The following EML3 variants were observed in gnomAD, a reference collection of about 807,000 sequenced individuals.
EML3 encodes EMAP like 3.
Under a neutral mutation model 106.7 loss-of-function variants are expected in EML3, and 53 were observed. The observed-to-expected ratio is 0.50, with a 90% CI of 0.40 to 0.62. EML3 has a LOEUF of 0.62. Ranked by LOEUF, EML3 falls within the 20% of genes least tolerant of loss-of-function variation. The pLI is 0.00. For synonymous variants in EML3, 499 were observed against 489.6 expected (o/e 1.02, Z -0.25); for missense variants, 994 against 1,209.1 (o/e 0.82, Z 2.64).
Position 62,602,223 on chromosome 11 carries a change from T to A in EML3, c.*252A>T. The A allele has an allele frequency of 1.3e-6, 2 of 1,520,008 alleles. No individual in the cohort carries two copies. Among genetic ancestry groups the A allele is most frequent in the Non-Finnish European group, 1.8e-6 (2 of 1,130,852 alleles). The allele number at this position is 1,520,008 out of a possible 1,614,324, so 94.2% of individuals were successfully genotyped here. A position where few individuals can be genotyped will look rare whatever the true frequency, so the allele number is the denominator to read the frequency against. On this transcript the variant is annotated 3_prime_UTR_variant, in exon 22 of 22. Coordinates refer to ENST00000394773, the MANE Select transcript of EML3 (RefSeq NM_153265.3). Reference sequence around the variant, plus strand: ...CCCCACAAAAGCACCGGGAGGCGACTTTGGTTCTGGTTTATTGCCCCTCAG... The same window carrying A: ...CCCCACAAAAGCACCGGGAGGCGACATTGGTTCTGGTTTATTGCCCCTCAG...
chr11:62,604,096 G>T lies in EML3; in HGVS notation c.2071+17C>A. On this transcript the variant is annotated intron_variant, in intron 17 of 21. Transcript: ENST00000394773. ...GGCCAGGGACGCATGTGAGTCCAGG[G>T]TTGGGGTGGCTCCCACCTGGGCTGT... The T allele has an allele frequency of 6.2e-7, 1 of 1,614,060 alleles. No homozygotes were observed. Among genetic ancestry groups the T allele is most frequent in the South Asian group, 1.1e-5 (1 of 91,072 alleles).
intron 1 of EML3, 199 bp from the exon 2 acceptor site, chr11:62,611,795 C>G (rs1942844235): frequency 1.6e-6 from 1 of 618,834 alleles, no homozygotes; most frequent in Non-Finnish European, 2.7e-6. Flanking sequence ...GGCGAGAAAC[C>G]TGGCAAAGCT....
Position 62,604,008 on chromosome 11 carries a change from T to C in EML3, c.2105A>G (p.Asn702Ser). 1 of 1,613,896 alleles carries C rather than the reference T, an allele frequency of 6.2e-7. No homozygotes were observed. Among genetic ancestry groups the C allele is most frequent in the East Asian group, 2.2e-5 (1 of 44,878 alleles). Residue 702 changes from asparagine (N) to serine (S), a missense_variant, in exon 18 of 22, where the codon AAC becomes AGC. Asn to Ser is a conservative substitution (Grantham distance 46). This residue lies in a region of EML3 where 713 missense variants were observed against 920.5 expected (regional missense o/e 0.77). Coordinates refer to ENST00000394773, the MANE Select transcript of EML3 (RefSeq NM_153265.3). ...GLYLAIGSHD[N>S]VIYIYSVSSD... ...GGAAACACTATAGATGTAGATCACG[T>C]TGTCATGGGAACCAATGGCCAGGTA...
rs1024933832 is a variant in EML3 at position 62,611,071 on chromosome 11, G to A, written c.452+16C>T. The A allele has an allele frequency of 3.1e-6, 5 of 1,601,014 alleles. No individual in the cohort carries two copies. The highest frequency in any genetic ancestry group is 3.4e-5 in the Admixed American group (2 of 59,162). On this transcript the variant is annotated intron_variant, in intron 3 of 21. Coordinates refer to ENST00000394773, the MANE Select transcript of EML3 (RefSeq NM_153265.3). Reference sequence around the variant, plus strand: ...CACCCCTCCCAGCTTCCGCCACAGGGCCACAGGACACCTACGTGTCAGCAC... The same window carrying A: ...CACCCCTCCCAGCTTCCGCCACAGGACCACAGGACACCTACGTGTCAGCAC...
At chr11:62,611,393 G>A in intron 2 of EML3, 32 bp downstream of exon 2, 1 of 1,613,450 alleles carries the variant, frequency 6.2e-7, no homozygotes, top group African/African-American at 1.3e-5. Flanking sequence ...GCCCCAAGGA[G>A]GAGGAAAAAT....
rs1942501640 is a variant in EML3 at position 62,606,075 on chromosome 11, G to C, written c.1644C>G (p.Leu548=). ...LVQWGPGLVA[L]QEAEIPEHFG... is the part of the protein sequence containing the mutation. ...GCCCAGCCCTCACCTCAGCCTCCTG[G>C]AGGGCCACCAACCCGGGCCCCCACT... The change falls in exon 13 of 22, where the codon CTC becomes CTG. Residue 548 remains leucine, a synonymous_variant. Coordinates refer to ENST00000394773, the MANE Select transcript of EML3 (RefSeq NM_153265.3). The C allele has an allele frequency of 6.2e-7, 1 of 1,613,862 alleles. No individual in the cohort carries two copies. Among genetic ancestry groups the C allele is most frequent in the Admixed American group, 1.7e-5 (1 of 59,992 alleles).
chr11:62,607,790 A>C lies in EML3; in HGVS notation c.1238T>G (p.Phe413Cys). The C allele has an allele frequency of 6.2e-7, 1 of 1,613,994 alleles. No individual in the cohort carries two copies. Among genetic ancestry groups the C allele is most frequent in the Non-Finnish European group, 8.5e-7 (1 of 1,179,954 alleles). The change falls in exon 11 of 22, where the codon TTC becomes TGC. Residue 413 changes from phenylalanine to cysteine, a missense_variant. Coordinates refer to ENST00000394773, the MANE Select transcript of EML3 (RefSeq NM_153265.3). ...GATGCAGCTGCTGTCACGAGGGTTG[A>C]AGCCAACGGCCAGGACTGAGTCATT... Reference protein sequence around the residue: ...STNDSVLAVGFNPRDSSCIVT... With the variant: ...STNDSVLAVGCNPRDSSCIVT...
At position 62,603,970 on chromosome 11, in the gene EML3, T is replaced by G; in HGVS notation, c.2143A>C (p.Lys715Gln). The change falls in exon 18 of 22, where the codon AAA becomes CAA. Residue 715 changes from lysine (K) to glutamine (Q), a missense_variant. By Grantham distance (53) the Lys-to-Gln change is moderately conservative. Around this residue, in one of 3 missense-constraint regions of EML3, gnomAD observed 713 missense variants for 920.5 expected, o/e 0.77. Transcript: ENST00000394773. ...ATACAGCGGCCAAAGCGGCTGGATT[T>G]GGCACCATCACTGGAAACACTATAG... Reference protein sequence around the residue: ...YIYSVSSDGAKSSRFGRCMGH... With the variant: ...YIYSVSSDGAQSSRFGRCMGH... 2 of 1,614,106 alleles carry G rather than the reference T, an allele frequency of 1.2e-6. No homozygotes were observed. The highest frequency in any genetic ancestry group is 1.7e-6 in the Non-Finnish European group (2 of 1,180,024).
At chr11:62,604,943 A>C (rs1445615859) in intron 16 of EML3, 170 bp downstream of exon 16, 1 of 507,236 alleles carries the variant, frequency 2.0e-6, no homozygotes, top group Non-Finnish European at 3.4e-6. Context: ...CAGTTACCAC[A>C]GAAGAGGAGG....
rs545756520 is a variant in EML3 at position 62,603,771 on chromosome 11, T to C, written c.2215A>G (p.Asn739Asp). The C allele has an allele frequency of 6.2e-7, 1 of 1,614,046 alleles. No individual in the cohort carries two copies. The highest frequency in any genetic ancestry group is 1.1e-5 in the South Asian group (1 of 91,082). Residue 739 changes from asparagine (N) to aspartate (D), a missense_variant, in exon 19 of 22, where the codon AAT becomes GAT. Around this residue, in one of 3 missense-constraint regions of EML3, gnomAD observed 713 missense variants for 920.5 expected, o/e 0.77. Transcript: ENST00000394773. ...ITHLDWSKDGNFIMSNSGDYE... is the reference protein window; with the variant it reads ...ITHLDWSKDGDFIMSNSGDYE... Reference sequence around the variant, plus strand: ...TCCCCAGAATTGGACATGATGAAATTCCCATCCTTGGACCAGTCAAGATGA... The same window carrying C: ...TCCCCAGAATTGGACATGATGAAATCCCCATCCTTGGACCAGTCAAGATGA...
At chr11:62,609,972 C>T (rs1352113900) in intron 4 of EML3, among the ~76,000 whole-genome samples, 1 of 152,198 alleles carries the variant, frequency 6.6e-6, no homozygotes, top group East Asian at 1.9e-4. Flanking sequence ...TCCTCCAGAC[C>T]ACCAGGCCTC....
intron 10 of EML3, 159 bp from the exon 11 acceptor site, chr11:62,607,980 T>G (rs969031852): frequency 1.1e-6 from 1 of 886,146 alleles, no homozygotes; most frequent in African/African-American, 1.7e-5. Flanking sequence ...CACTATTTCC[T>G]GTCAATCATA....
At chr11:62,612,054 G>C (rs1448508102) in intron 1 of EML3, 1 of 390,048 alleles carries the variant, frequency 2.6e-6, no homozygotes, top group Non-Finnish European at 4.6e-6. Flanking sequence ...TGAGGACCCA[G>C]AGTACAAGAA....
chr11:62,603,143 G>A lies in EML3; in HGVS notation c.2356+6C>T, dbSNP rs780777645. ...CCTTCCAGCAGGTTTCCACGCCCCT[G>A]CTCACCGTAGACGTGAAAGCCCAGC... is the stretch of plus-strand genomic sequence containing the variant. On this transcript the variant is annotated splice_donor_region_variant and intron_variant, in intron 20 of 21. Transcript: ENST00000394773. 1 of 1,613,740 alleles carries A rather than the reference G, an allele frequency of 6.2e-7. No individual in the cohort carries two copies. The highest frequency in any genetic ancestry group is 8.5e-7 in the Non-Finnish European group (1 of 1,179,938).
intron 9 of EML3, 118 bp downstream of exon 9, chr11:62,608,420 TTCTC>T: frequency 7.5e-7 from 1 of 1,339,914 alleles, no homozygotes; most frequent in East Asian, 2.3e-5. Context: ...ACATGGCCCT[TTCTC>T]AAGAGAACCA....
At position 62,605,699 on chromosome 11, in the gene EML3, C is replaced by G. The variant is rs371496657; in HGVS notation, c.1857G>C (p.Arg619=). 6.3e-7 allele frequency: 1 copy of G among 1,597,650 alleles called. No individual in the cohort carries two copies. The part of the protein sequence containing the change: ...QNRFLTCGHD[R]QLCLWDGESH... ...TCTCCCCATCCCACAGGCAGAGCTG[C>G]CGGTCGTGGCCGCAGGTGAGGAAGC... Residue 619 remains arginine, a synonymous_variant, in exon 15 of 22, where the codon CGG becomes CGC. Coordinates refer to ENST00000394773, the MANE Select transcript of EML3 (RefSeq NM_153265.3). The surrounding 1 kb of genome is among the most constrained non-coding windows in gnomAD (Gnocchi z 5.2).
chr11:62,604,515 T>G (rs1465259778), intron 16 of EML3, among the ~76,000 whole-genome samples: 1 of 152,058 alleles, frequency 6.6e-6, no homozygotes, highest in Admixed American at 6.5e-5. Context: ...GTAGCTAGAA[T>G]TACAGGTGCG....
At position 62,608,530 on chromosome 11, in the gene EML3, G is replaced by C; in HGVS notation, c.1110+12C>G. The C allele has an allele frequency of 1.2e-6, 2 of 1,611,746 alleles. No individual in the cohort carries two copies. The highest frequency in any genetic ancestry group is 1.7e-6 in the Non-Finnish European group (2 of 1,178,552). ...CAAGAATGGGGGTCTAGAGGCTTCAGGGCCAGCTCACCGCAGCTGAAAAGG... is the reference window on the plus strand; with the variant it reads ...CAAGAATGGGGGTCTAGAGGCTTCACGGCCAGCTCACCGCAGCTGAAAAGG... On this transcript the variant is annotated intron_variant, in intron 9 of 21. Coordinates refer to ENST00000394773, the MANE Select transcript of EML3 (RefSeq NM_153265.3).
intron 9 of EML3, 26 bp downstream of exon 9, chr11:62,608,516 G>T (rs1235731232): frequency 1.2e-6 from 2 of 1,602,902 alleles, no homozygotes; most frequent in Non-Finnish European, 8.5e-7. Flanking sequence ...AAGAATGGGG[G>T]TCTAGAGGCT....
Sources: gnomAD v4.1 joint callset for allele counts (sites outside exome capture counted in the v4.1 genomes callset) on GRCh38, gnomAD v4.1.1 for gene constraint, gnomAD v4.1.1 regional missense constraint, Gnocchi (gnomAD v3.1) non-coding constraint, MANE v1.5 for transcripts, NCBI Gene and HGNC (gene_info 2026-07-23, HGNC 2026-07-21) for gene names.